Variants in RBMS3 observed in about 807,000 individuals in gnomAD.
The protein encoded by RBMS3 is RNA binding motif single stranded interacting protein 3, also known as RNA-binding motif, single-stranded-interacting protein 3.
In RBMS3, 27 loss-of-function variants were observed where a neutral mutation model predicts 66.8. The observed-to-expected ratio is 0.40, with a 90% CI of 0.30 to 0.56. The LOEUF (loss-of-function observed/expected upper bound fraction) is 0.56, where lower values mean the gene tolerates loss of function less well. RBMS3 is among the 20% of genes least tolerant of loss of function. RBMS3 has a pLI of 0.40. For synonymous variants in RBMS3, 188 were observed against 183.0 expected, an observed-to-expected ratio of 1.03 and a Z score of -0.22; for missense variants, 513 against 549.5, an observed-to-expected ratio of 0.93 and a Z score of 0.66.
chr3:29,796,804 C>T (rs1363523782), intron 6 of RBMS3, among the ~76,000 whole-genome samples: 7 of 148,752 alleles, frequency 4.7e-5, no homozygotes, highest in Admixed American at 3.4e-4. Context: ...CCTCCACCTC[C>T]TGGGTTCAAG....
At chr3:29,520,264 G>C (rs960992120) in intron 3 of RBMS3, among the ~76,000 whole-genome samples, 2 of 152,094 alleles carry the variant, frequency 1.3e-5, no homozygotes, top group African/African-American at 4.8e-5. Context: ...GCAGTATCTT[G>C]TTAATAATTT....
At chr3:29,693,792 G>T (rs2052146018) in intron 4 of RBMS3, among the ~76,000 whole-genome samples, 1 of 152,066 alleles carries the variant, frequency 6.6e-6, no homozygotes, top group Admixed American at 6.5e-5. Flanking sequence ...ATTTCAGATT[G>T]ATTTTTGTTC....
At chr3:29,343,798 G>A (rs2036417469) in intron 1 of RBMS3, among the ~76,000 whole-genome samples, 2 of 152,178 alleles carry the variant, frequency 1.3e-5, no homozygotes, top group African/African-American at 4.8e-5. Context: ...GTCACAACTA[G>A]TAAGTAGCAG....
At chr3:29,383,608 T>C (rs57960142) in intron 1 of RBMS3, among the ~76,000 whole-genome samples, 5,296 of 152,290 alleles carry the variant, frequency 0.035, 253 homozygotes, top group East Asian at 0.23. Flanking sequence ...GATATATTGT[T>C]AGTGTAAAAT....
At chr3:29,318,228 A>C (rs971709017) in intron 1 of RBMS3, among the ~76,000 whole-genome samples, 5 of 151,872 alleles carry the variant, frequency 3.3e-5, no homozygotes, top group Admixed American at 6.6e-5. Context: ...TATGCATCTT[A>C]AAATATTTTT....
chr3:29,793,094 C>T (rs1353841858), intron 6 of RBMS3, among the ~76,000 whole-genome samples: 1 of 151,842 alleles, frequency 6.6e-6, no homozygotes, highest in Non-Finnish European at 1.5e-5. Context: ...AAAAAATTAG[C>T]TGGGTGTGCA....
chr3:29,905,935 C>G (rs1236689543), intron 10 of RBMS3, among the ~76,000 whole-genome samples: 1 of 151,862 alleles, frequency 6.6e-6, no homozygotes, highest in Non-Finnish European at 1.5e-5. Context: ...ATTTTTCTAG[C>G]TATTTTACAT....
intron 7 of RBMS3, among the ~76,000 whole-genome samples, chr3:29,882,329 A>C (rs1484165119): frequency 6.6e-6 from 1 of 152,100 alleles, no homozygotes; most frequent in Non-Finnish European, 1.5e-5. Flanking sequence ...AAAAAACAAA[A>C]ACCTTTTTTC....
rs1333969486 is a variant in RBMS3 at position 29,816,301 on chromosome 3, GACACACACAGACACACACACAC to G, written c.638-52547_638-52526del. 3.3e-3 allele frequency among the ~76,000 whole-genome samples: 450 copies of G among 135,942 alleles called. 4 individuals are homozygous for G. Among genetic ancestry groups the G allele is most frequent in the African/African-American group, 0.011 (389 of 36,552 alleles). The allele number at this position is 135,942 out of a possible 152,430, so 89.2% of individuals were successfully genotyped here. A position where few individuals can be genotyped will look rare whatever the true frequency, so the allele number is the denominator to read the frequency against. ...GTGCGCGCACACACAGACACACACA[GACACACACAGACACACACACAC>G]ACACACACACACACACACACACACA... is the stretch of plus-strand genomic sequence containing the variant. On this transcript the variant is annotated intron_variant, in intron 6 of 14. Transcript: ENST00000383767.
At chr3:29,923,830 A>C (rs1275531783) in intron 10 of RBMS3, among the ~76,000 whole-genome samples, 2 of 152,234 alleles carry the variant, frequency 1.3e-5, no homozygotes, top group Admixed American at 1.3e-4. Flanking sequence ...AAATATTTCA[A>C]ATGTGAATAC....
intron 6 of RBMS3, among the ~76,000 whole-genome samples, chr3:29,846,274 G>T (rs964446710): frequency 2.0e-5 from 3 of 152,026 alleles, no homozygotes; most frequent in African/African-American, 7.2e-5. Flanking sequence ...ATTTGGTGGG[G>T]GGATATGGAT....
At chr3:29,749,888 T>C (rs933675320) in intron 5 of RBMS3, among the ~76,000 whole-genome samples, 7 of 152,196 alleles carry the variant, frequency 4.6e-5, no homozygotes, top group African/African-American at 1.2e-4. Context: ...ATTGAACTTA[T>C]GCAAATAACT....
At chr3:29,349,732 T>C (rs774185111) in intron 1 of RBMS3, among the ~76,000 whole-genome samples, 6 of 152,230 alleles carry the variant, frequency 3.9e-5, no homozygotes, top group Non-Finnish European at 7.3e-5. Flanking sequence ...GCTGTCTGTT[T>C]TATCTTGGTG....
intron 4 of RBMS3, among the ~76,000 whole-genome samples, chr3:29,699,302 G>A (rs568693563): frequency 2.6e-5 from 4 of 152,082 alleles, no homozygotes; most frequent in South Asian, 4.1e-4. Context: ...GGCAAATGGC[G>A]CCAAACCCAG....
At chr3:29,762,235 T>A (rs1053395919) in intron 5 of RBMS3, among the ~76,000 whole-genome samples, 1 of 152,138 alleles carries the variant, frequency 6.6e-6, no homozygotes, top group South Asian at 2.1e-4. Flanking sequence ...AACCTAAGGT[T>A]TGTGTATCTA....
At chr3:29,646,141 A>G (rs1417776591) in intron 4 of RBMS3, among the ~76,000 whole-genome samples, 1 of 152,236 alleles carries the variant, frequency 6.6e-6, no homozygotes, top group Non-Finnish European at 1.5e-5. Flanking sequence ...ATTAAATACA[A>G]ATTCAGTTCC....
intron 4 of RBMS3, among the ~76,000 whole-genome samples, chr3:29,676,795 A>G (rs2051276419): frequency 1.3e-5 from 2 of 152,320 alleles, no homozygotes; most frequent in African/African-American, 2.4e-5. Flanking sequence ...TACTGGGTGT[A>G]AAACACATGC....
At chr3:29,354,237 A>G (rs886865550) in intron 1 of RBMS3, among the ~76,000 whole-genome samples, 2 of 152,086 alleles carry the variant, frequency 1.3e-5, no homozygotes, top group Non-Finnish European at 2.9e-5. Flanking sequence ...TTGCTACTCT[A>G]TCTCATTCCA....
chr3:29,318,496 C>T (rs2034823783), intron 1 of RBMS3, among the ~76,000 whole-genome samples: 1 of 151,864 alleles, frequency 6.6e-6, no homozygotes, highest in African/African-American at 2.4e-5. Flanking sequence ...CCGCAGAATG[C>T]AAGGTCCTTA....
Sources: allele counts gnomAD v4.1 joint callset (sites outside exome capture counted in the v4.1 genomes callset), GRCh38; gene constraint gnomAD v4.1.1; transcripts MANE v1.5; gene names NCBI Gene and HGNC (gene_info 2026-07-23, HGNC 2026-07-21).